AIG1: variants seen among roughly 807,000 people sequenced by gnomAD.
AIG1 encodes the protein androgen induced 1.
AIG1 carries 23 observed loss-of-function variants against 31.4 expected under a neutral mutation model. That is an observed-to-expected ratio of 0.73 (90% CI 0.53 to 1.04). The LOEUF (loss-of-function observed/expected upper bound fraction) is 1.04. Among genes scored for constraint, AIG1 ranks in the 50% least tolerant of loss-of-function variants. AIG1 has a pLI of 0.00. For missense variants in AIG1, 274 were observed against 295.0 expected, an observed-to-expected ratio of 0.93 and a Z score of 0.52; for synonymous variants, 100 against 110.5, an observed-to-expected ratio of 0.90 and a Z score of 0.60.
intron 1 of AIG1, among the ~76,000 whole-genome samples, chr6:143,065,590 T>G (rs886613665): frequency 6.6e-6 from 1 of 152,140 alleles, no homozygotes; most frequent in African/African-American, 2.4e-5. Context: ...AAAAGGCAAA[T>G]GTATTTTGAG....
chr6:143,130,009 C>T (rs1000871342), intron 1 of AIG1, among the ~76,000 whole-genome samples: 5 of 149,974 alleles, frequency 3.3e-5, no homozygotes, highest in African/African-American at 4.9e-5. Context: ...TGGCTCACTG[C>T]GACCTCTGCC....
chr6:143,324,901 T>A (rs1215623248), intron 4 of AIG1, among the ~76,000 whole-genome samples: 1 of 152,204 alleles, frequency 6.6e-6, no homozygotes, highest in East Asian at 1.9e-4. Flanking sequence ...CCTCAAGGGC[T>A]CCAGTGACCA....
intron 3 of AIG1, among the ~76,000 whole-genome samples, chr6:143,194,758 C>T (rs1326785010): frequency 6.6e-6 from 1 of 152,158 alleles, no homozygotes; most frequent in Non-Finnish European, 1.5e-5. Context: ...GCAGGTGGCC[C>T]CCAGCATGCT....
intron 2 of AIG1, among the ~76,000 whole-genome samples, chr6:143,140,643 G>A (rs1784172135): frequency 6.6e-6 from 1 of 152,214 alleles, no homozygotes; most frequent in Admixed American, 6.6e-5. Flanking sequence ...GAATGGAAGT[G>A]CCAACCTGGA....
At chr6:143,093,819 A>G (rs1779518747) in intron 1 of AIG1, among the ~76,000 whole-genome samples, 1 of 152,102 alleles carries the variant, frequency 6.6e-6, no homozygotes, top group Admixed American at 6.6e-5. Context: ...AAAATGGGGG[A>G]ATAGCCGGTT....
intron 3 of AIG1, among the ~76,000 whole-genome samples, chr6:143,270,362 A>G (rs1796426455): frequency 6.6e-6 from 1 of 152,254 alleles, no homozygotes; most frequent in African/African-American, 2.4e-5. Context: ...TGAAAAAGGC[A>G]TAGGAATTTG....
intron 2 of AIG1, among the ~76,000 whole-genome samples, chr6:143,138,773 GTCCCAGCTACT>G (rs2128523953): frequency 6.6e-6 from 1 of 151,698 alleles, no homozygotes; most frequent in East Asian, 1.9e-4. Flanking sequence ...GGCTCCTTTA[GTCCCAGCTACT>G]CAGGAGGCTG....
At chr6:143,275,829 T>G (rs1224566560) in intron 3 of AIG1, among the ~76,000 whole-genome samples, 1 of 151,958 alleles carries the variant, frequency 6.6e-6, no homozygotes, top group Admixed American at 6.6e-5. Flanking sequence ...AGAGGTGCTA[T>G]TCTGTGAGAA....
chr6:143,101,984 A>G (rs1189290598), intron 1 of AIG1, among the ~76,000 whole-genome samples: 3 of 152,164 alleles, frequency 2.0e-5, no homozygotes, highest in Admixed American at 2.0e-4. Context: ...TTCCCAGGTT[A>G]TTCCAATGTG....
At position 143,333,557 on chromosome 6, in the gene AIG1, T is replaced by TC; in HGVS notation, c.679+113dup. 1 of 1,142,906 alleles carries TC rather than the reference T, an allele frequency of 8.7e-7. No individual in the cohort carries two copies. Among genetic ancestry groups the TC allele is most frequent in the South Asian group, 1.6e-5 (1 of 61,160 alleles). 70.8% of individuals were successfully genotyped at this position (1,142,906 alleles called of 1,614,324 possible). A position where few individuals can be genotyped will look rare whatever the true frequency, so the allele number is the denominator to read the frequency against. On this transcript the variant is annotated intron_variant, in intron 5 of 5. Transcript: ENST00000357847. This position sits in a 1 kb window ranked among gnomAD's most constrained non-coding sequence, Gnocchi z 4.6. ...CTCTTCTTTTAGCCTTCACACAGGA[T>TC]CTCCTATAAAGAGCTCCATTTTTAA...
intron 2 of AIG1, among the ~76,000 whole-genome samples, chr6:143,155,892 G>C (rs1785698324): frequency 6.6e-6 from 1 of 152,094 alleles, no homozygotes; most frequent in African/African-American, 2.4e-5. Context: ...TTCTGAGCTG[G>C]CAAGTTCTTC....
At chr6:143,118,633 A>G (rs986649725) in intron 1 of AIG1, among the ~76,000 whole-genome samples, 10 of 152,220 alleles carry the variant, frequency 6.6e-5, no homozygotes, top group African/African-American at 2.4e-4. Flanking sequence ...ACTTATGTGT[A>G]GAGAACTTTT....
intron 1 of AIG1, among the ~76,000 whole-genome samples, chr6:143,125,819 A>G (rs1782640783): frequency 6.6e-6 from 1 of 152,238 alleles, no homozygotes; most frequent in African/African-American, 2.4e-5. Context: ...AAAGCTGCTT[A>G]TCTATGTACA....
intron 3 of AIG1, among the ~76,000 whole-genome samples, chr6:143,274,872 T>G (rs922390441): frequency 1.3e-5 from 2 of 152,232 alleles, no homozygotes; most frequent in African/African-American, 4.8e-5. Flanking sequence ...TACATTAGGA[T>G]TGCTGTGAGA....
At chr6:143,128,502 G>A (rs76871682) in intron 1 of AIG1, among the ~76,000 whole-genome samples, 2,021 of 152,264 alleles carry the variant, frequency 0.013, 43 homozygotes, top group African/African-American at 0.044. Flanking sequence ...AATAATAAGA[G>A]CAACTAGCCT....
chr6:143,309,417 G>A (rs1025364494), intron 4 of AIG1, among the ~76,000 whole-genome samples: 1 of 151,982 alleles, frequency 6.6e-6, no homozygotes, highest in African/African-American at 2.4e-5. Flanking sequence ...TTAGAGAAGT[G>A]CTTTTTAATG....
chr6:143,234,104 C>T (rs968672065), intron 3 of AIG1, among the ~76,000 whole-genome samples: 1 of 152,102 alleles, frequency 6.6e-6, no homozygotes, highest in Non-Finnish European at 1.5e-5. Flanking sequence ...ACTACAAAGA[C>T]CCCCCTAAAC....
intron 3 of AIG1, among the ~76,000 whole-genome samples, chr6:143,175,710 C>T (rs911522129): frequency 6.6e-6 from 1 of 152,032 alleles, no homozygotes; most frequent in Non-Finnish European, 1.5e-5. Flanking sequence ...CATTCATATC[C>T]TGTATCAATT....
intron 3 of AIG1, among the ~76,000 whole-genome samples, chr6:143,172,071 A>G (rs1452915078): frequency 1.3e-5 from 2 of 151,844 alleles, no homozygotes; most frequent in African/African-American, 4.8e-5. Flanking sequence ...ATCCTTGTAC[A>G]TTCTGGATAT....
Sources: allele counts gnomAD v4.1 joint callset (sites outside exome capture counted in the v4.1 genomes callset), GRCh38; gene constraint gnomAD v4.1.1; non-coding constraint Gnocchi (gnomAD v3.1); transcripts MANE v1.5; gene names NCBI Gene and HGNC (gene_info 2026-07-23, HGNC 2026-07-21).